Variants in SGK3 observed in about 807,000 individuals in gnomAD.
SGK3 encodes the protein serum/glucocorticoid regulated kinase family member 3.
In SGK3, 47 loss-of-function variants were observed where a neutral mutation model predicts 68.5. The ratio of observed to expected loss-of-function variants is 0.69; its 90% CI spans 0.54 to 0.87. The LOEUF (loss-of-function observed/expected upper bound fraction) is 0.87, where lower values mean the gene tolerates loss of function less well. Ranked by LOEUF, SGK3 falls within the 40% of genes least tolerant of loss-of-function variation. The pLI is 0.00. For missense variants in SGK3, 479 were observed against 575.5 expected (o/e 0.83, Z 1.72); for synonymous variants, 181 against 189.1 (o/e 0.96, Z 0.35).
chr8:66,816,354 T>TG (rs1300823372), intron 5 of SGK3, among the ~76,000 whole-genome samples: 5 of 147,770 alleles, frequency 3.4e-5, no homozygotes, highest in African/African-American at 1.3e-4. Flanking sequence ...TTTTTTTTTT[T>TG]TTTGTGTGTG....
intron 1 of SGK3, among the ~76,000 whole-genome samples, chr8:66,780,462 G>A (rs1297051193): frequency 6.6e-6 from 1 of 152,224 alleles, no homozygotes; most frequent in African/African-American, 2.4e-5. Flanking sequence ...ACATGATGAG[G>A]GAGGATTAAG....
At chr8:66,728,120 T>C (rs766697866) in intron 1 of SGK3, among the ~76,000 whole-genome samples, 9 of 152,166 alleles carry the variant, frequency 5.9e-5, no homozygotes, top group Non-Finnish European at 7.3e-5. Context: ...AAAGAAACTC[T>C]GGACCCACTG....
chr8:66,725,223 C>T (rs1032321066), intron 1 of SGK3, among the ~76,000 whole-genome samples: 58 of 151,756 alleles, frequency 3.8e-4, no homozygotes, highest in African/African-American at 1.4e-3. Context: ...AGTGAGACTC[C>T]GTCTCAAAAA....
intron 1 of SGK3, among the ~76,000 whole-genome samples, chr8:66,734,044 A>G (rs2130375456): frequency 6.8e-6 from 1 of 147,498 alleles, no homozygotes; most frequent in Middle Eastern, 3.4e-3. Context: ...AAAGTTCTAA[A>G]ATGTACTGAT....
intron 1 of SGK3, among the ~76,000 whole-genome samples, chr8:66,713,509 A>G (rs915651645): frequency 6.6e-6 from 1 of 152,374 alleles, no homozygotes; most frequent in Non-Finnish European, 1.5e-5. Context: ...GTCCTGCACC[A>G]GAGACTACTT....
chr8:66,784,534 G>T (rs945901731), intron 1 of SGK3, among the ~76,000 whole-genome samples: 1 of 152,088 alleles, frequency 6.6e-6, no homozygotes, highest in Admixed American at 6.6e-5. Context: ...GTAGGGTTCA[G>T]AAATTCTGTT....
At chr8:66,785,262 G>A (rs2130542013) in intron 1 of SGK3, among the ~76,000 whole-genome samples, 1 of 152,330 alleles carries the variant, frequency 6.6e-6, no homozygotes. Flanking sequence ...TGTGAGCTGG[G>A]CTCACATGAG....
chr8:66,822,728 C>G (rs1039153430), intron 6 of SGK3, among the ~76,000 whole-genome samples: 1 of 152,204 alleles, frequency 6.6e-6, no homozygotes, highest in Non-Finnish European at 1.5e-5. Context: ...AAGCGATTCT[C>G]CTGCCTCAGC....
intron 1 of SGK3, among the ~76,000 whole-genome samples, chr8:66,750,308 C>T (rs1401349578): frequency 2.6e-5 from 4 of 152,154 alleles, no homozygotes; most frequent in Admixed American, 2.0e-4. Flanking sequence ...TTATAACAAT[C>T]TAACATCGCT....
chr8:66,827,022 C>T (rs1437749878), intron 6 of SGK3, among the ~76,000 whole-genome samples: 2 of 152,002 alleles, frequency 1.3e-5, no homozygotes, highest in East Asian at 1.9e-4. Context: ...CTAGATATTA[C>T]AAATTTGAAA....
rs541628698 is a variant in SGK3 at position 66,760,338 on chromosome 8, T to C, written c.-121-33278T>C. Among the ~76,000 whole-genome samples the C allele has an allele frequency of 3.9e-3, 510 of 130,828 alleles. 7 individuals carry two copies. Among genetic ancestry groups the C allele is most frequent in the African/African-American group, 0.013 (435 of 32,880 alleles). 85.8% of individuals were successfully genotyped at this position (130,828 alleles called of 152,430 possible). ...TGTTCATTTTCTTTTTTCTTTTTTTTTTTTTTTTTTTTTTGAGACGGAGTC... is the reference window on the plus strand; with the variant it reads ...TGTTCATTTTCTTTTTTCTTTTTTTCTTTTTTTTTTTTTTGAGACGGAGTC... On this transcript the variant is annotated intron_variant, in intron 1 of 16. Transcript: ENST00000521198.
chr8:66,722,821 G>A (rs968379044), intron 1 of SGK3, among the ~76,000 whole-genome samples: 4 of 152,034 alleles, frequency 2.6e-5, no homozygotes, highest in African/African-American at 9.7e-5. Flanking sequence ...AATCATTGCA[G>A]AACATGAAGG....
At chr8:66,748,679 A>G (rs1445662139) in intron 1 of SGK3, among the ~76,000 whole-genome samples, 1 of 152,124 alleles carries the variant, frequency 6.6e-6, no homozygotes, top group East Asian at 1.9e-4. Flanking sequence ...ACTGATTTAG[A>G]GATCAATAAA....
chr8:66,779,750 C>G (rs945018213), intron 1 of SGK3, among the ~76,000 whole-genome samples: 1 of 149,692 alleles, frequency 6.7e-6, no homozygotes, highest in Non-Finnish European at 1.5e-5. Context: ...GTTGTCTTTA[C>G]TAATAACATA....
chr8:66,763,282 T>G (rs1321510978), intron 1 of SGK3, among the ~76,000 whole-genome samples: 2 of 152,270 alleles, frequency 1.3e-5, no homozygotes, highest in African/African-American at 2.4e-5. Flanking sequence ...TTTAGTATCT[T>G]TGTAAATTCC....
intron 7 of SGK3, among the ~76,000 whole-genome samples, chr8:66,829,042 A>T (rs1468359958): frequency 6.6e-6 from 1 of 151,572 alleles, no homozygotes; most frequent in Admixed American, 6.6e-5. Flanking sequence ...CACAAGTCCT[A>T]TGAGGTCCTC....
chr8:66,829,211 C>T (rs543223552), intron 7 of SGK3, among the ~76,000 whole-genome samples: 16 of 152,262 alleles, frequency 1.1e-4, no homozygotes, highest in East Asian at 9.6e-4. Context: ...CCCCATATTC[C>T]CAGGCTAATT....
intron 1 of SGK3, among the ~76,000 whole-genome samples, chr8:66,784,560 A>G (rs1271677709): frequency 6.6e-6 from 1 of 152,142 alleles, no homozygotes; most frequent in Non-Finnish European, 1.5e-5. Context: ...TTTAGAGGTA[A>G]AAGCAGAAGA....
At chr8:66,758,988 C>A (rs1430213724) in intron 1 of SGK3, among the ~76,000 whole-genome samples, 1 of 152,148 alleles carries the variant, frequency 6.6e-6, no homozygotes, top group Non-Finnish European at 1.5e-5. Flanking sequence ...TCCAAAGACT[C>A]TAGGAAACAA....
Sources: allele counts gnomAD v4.1 joint callset (sites outside exome capture counted in the v4.1 genomes callset), GRCh38; gene constraint gnomAD v4.1.1; transcripts MANE v1.5; gene names NCBI Gene and HGNC (gene_info 2026-07-23, HGNC 2026-07-21).